The following JHY variants were observed in gnomAD, a reference collection of about 807,000 sequenced individuals.
The protein encoded by JHY is junctional cadherin complex regulator, also known as jhy protein homolog.
Under a neutral mutation model 78.0 loss-of-function variants are expected in JHY, and 69 were observed. That is an observed-to-expected ratio of 0.88 (90% CI 0.73 to 1.08). The LOEUF is 1.08. Ranked by LOEUF, JHY falls within the 50% of genes least tolerant of loss-of-function variation. The pLI is 0.00. For missense variants in JHY, 944 were observed against 927.8 expected (o/e 1.02, Z -0.23); for synonymous variants, 368 against 342.6 (o/e 1.07, Z -0.82).
rs145375884 is a variant in JHY at position 122,897,536 on chromosome 11, C to T, written c.345-6389C>T. Among the ~76,000 whole-genome samples, 563 of 152,306 alleles carry T rather than the reference C, an allele frequency of 3.7e-3. 1 individual carries two copies. Among genetic ancestry groups the T allele is most frequent in the Non-Finnish European group, 3.1e-3 (214 of 68,032 alleles). On this transcript the variant is annotated intron_variant, in intron 2 of 8. Coordinates refer to ENST00000227349, the MANE Select transcript of JHY (RefSeq NM_024806.4). ...CATGAGCTACCACACCTGGCCAGTA[C>T]TATTATTATCCCCATTTTATTGATG...
chr11:122,927,718 T>C (rs2135345271), intron 4 of JHY, among the ~76,000 whole-genome samples: 1 of 149,870 alleles, frequency 6.7e-6, no homozygotes, highest in South Asian at 2.1e-4. Context: ...TTCTTTTTCT[T>C]TTCTTTTCTT....
At chr11:122,895,371 A>G (rs1171656311) in intron 2 of JHY, among the ~76,000 whole-genome samples, 2 of 152,236 alleles carry the variant, frequency 1.3e-5, no homozygotes, top group African/African-American at 4.8e-5. Context: ...CACCTCCTCA[A>G]CAGGCAAAAT....
chr11:122,904,037 A>G lies in JHY; in HGVS notation c.457A>G (p.Ser153Gly), dbSNP rs147892935. 5.4e-5 allele frequency: 87 copies of G among 1,614,070 alleles called. No homozygotes were observed. Among genetic ancestry groups the G allele is most frequent in the Non-Finnish European group, 7.1e-5 (84 of 1,180,036 alleles). ...SVEALPESTD[S>G]SLENLPLAPL... The stretch of plus-strand genomic sequence containing the variant: ...GGAAGCGTTGCCGGAGTCCACGGAC[A>G]GCTCTTTAGAAAATCTGCCTTTGGC... Residue 153 changes from serine (S) to glycine (G), a missense_variant, in exon 3 of 9, where the codon AGC becomes GGC. By Grantham distance (56) the Ser-to-Gly change is moderately conservative. Coordinates refer to ENST00000227349, the MANE Select transcript of JHY (RefSeq NM_024806.4).
At chr11:122,931,461 A>G (rs1296738563) in intron 4 of JHY, among the ~76,000 whole-genome samples, 2 of 152,218 alleles carry the variant, frequency 1.3e-5, no homozygotes, top group East Asian at 1.9e-4. Context: ...TGCTTCTTCT[A>G]TTCATCTGAA....
At chr11:122,920,571 T>C (rs1199017891) in intron 3 of JHY, among the ~76,000 whole-genome samples, 1 of 152,240 alleles carries the variant, frequency 6.6e-6, no homozygotes, top group Admixed American at 6.5e-5. Context: ...TTTTTTGTAG[T>C]GCTGTCTGAT....
chr11:122,900,265 C>T (rs1183061929), intron 2 of JHY, among the ~76,000 whole-genome samples: 1 of 152,198 alleles, frequency 6.6e-6, no homozygotes, highest in Non-Finnish European at 1.5e-5. Flanking sequence ...TGTTGCTTTA[C>T]ATCAAATCAA....
chr11:122,918,458 C>G (rs1282101660), intron 3 of JHY, among the ~76,000 whole-genome samples: 1 of 151,358 alleles, frequency 6.6e-6, no homozygotes, highest in Non-Finnish European at 1.5e-5. Context: ...GGCCATGAGG[C>G]AGAGTCTCCC....
chr11:122,949,533 G>A (rs757096405), intron 6 of JHY, among the ~76,000 whole-genome samples: 4 of 152,148 alleles, frequency 2.6e-5, no homozygotes, highest in Non-Finnish European at 4.4e-5. Context: ...AAGAAAAAGA[G>A]GATGTCTTGG....
At chr11:122,901,872 CA>C (rs777748055) in intron 2 of JHY, among the ~76,000 whole-genome samples, 8 of 116,162 alleles carry the variant, frequency 6.9e-5, no homozygotes, top group Admixed American at 1.7e-4. Context: ...GACTCTGTCT[CA>C]AAAAAAAAAA....
At chr11:122,913,748 G>A (rs565426787) in intron 3 of JHY, among the ~76,000 whole-genome samples, 4 of 152,182 alleles carry the variant, frequency 2.6e-5, no homozygotes, top group Admixed American at 6.5e-5. Flanking sequence ...TGCAGAACCC[G>A]TAACCCCACA....
intron 2 of JHY, among the ~76,000 whole-genome samples, chr11:122,895,332 G>A (rs749762184): frequency 1.2e-4 from 18 of 152,320 alleles, no homozygotes; most frequent in South Asian, 6.2e-4. Context: ...ATAAATAACA[G>A]CTAAATGCTT....
At chr11:122,911,905 C>CAAAAAAAAAAAAAAAAAA (rs59941995) in intron 3 of JHY, among the ~76,000 whole-genome samples, 1 of 49,722 alleles carries the variant, frequency 2.0e-5, no homozygotes, top group African/African-American at 8.1e-5. Flanking sequence ...AACTCTGTCT[C>CAAAAAAAAAAAAAAAAAA]AAAAAAAAAA....
At chr11:122,957,934 A>T (rs968801743) in intron 8 of JHY, among the ~76,000 whole-genome samples, 4 of 152,156 alleles carry the variant, frequency 2.6e-5, no homozygotes, top group Non-Finnish European at 5.9e-5. Context: ...TTAAATAATA[A>T]TGTGATTTCT....
chr11:122,948,392 G>C (rs1050193833), intron 6 of JHY, among the ~76,000 whole-genome samples: 4 of 151,370 alleles, frequency 2.6e-5, no homozygotes, highest in African/African-American at 9.7e-5. Flanking sequence ...GCAGTGAGTC[G>C]AGATTGCACC....
intron 3 of JHY, among the ~76,000 whole-genome samples, chr11:122,908,756 T>C (rs762967787): frequency 1.4e-4 from 21 of 152,176 alleles, no homozygotes; most frequent in Non-Finnish European, 8.8e-5. Context: ...TGAAGTGCAG[T>C]GGCACTATCT....
In JHY at chr11:122,960,649, T is replaced by C; in HGVS notation, c.*1204T>C. ...GAGACCTTTTCTACTATATCAATAG[T>C]AGGGTTACTTGTCTATGTAATTTAA... is the stretch of plus-strand genomic sequence containing the variant. On this transcript the variant is annotated 3_prime_UTR_variant, in exon 9 of 9. Coordinates refer to ENST00000227349, the MANE Select transcript of JHY (RefSeq NM_024806.4). 2.8e-6 allele frequency: 1 copy of C among 352,270 alleles called. No individual in the cohort carries two copies. The highest frequency in any genetic ancestry group is 5.7e-6 in the Non-Finnish European group (1 of 174,656). The allele number at this position is 352,270 out of a possible 1,614,324, so 21.8% of individuals were successfully genotyped here.
intron 4 of JHY, among the ~76,000 whole-genome samples, chr11:122,930,424 T>G (rs1195408772): frequency 6.6e-6 from 1 of 152,168 alleles, no homozygotes; most frequent in East Asian, 1.9e-4. Context: ...CAAGTGAATG[T>G]TTTTTTCCTT....
At chr11:122,886,950 A>C (rs985973196) in intron 2 of JHY, among the ~76,000 whole-genome samples, 2 of 152,210 alleles carry the variant, frequency 1.3e-5, no homozygotes, top group African/African-American at 2.4e-5. Context: ...AATTTAAGGG[A>C]TTTAACCTTG....
At chr11:122,894,697 T>G (rs1182291499) in intron 2 of JHY, among the ~76,000 whole-genome samples, 2 of 152,214 alleles carry the variant, frequency 1.3e-5, no homozygotes, top group African/African-American at 4.8e-5. Flanking sequence ...GAATCAAGAC[T>G]GGTACTATTA....
Sources: allele counts gnomAD v4.1 joint callset (sites outside exome capture counted in the v4.1 genomes callset), GRCh38; gene constraint gnomAD v4.1.1; transcripts MANE v1.5; gene names NCBI Gene and HGNC (gene_info 2026-07-23, HGNC 2026-07-21).